DCAF6: variants seen among roughly 807,000 people sequenced by gnomAD.
The protein encoded by DCAF6 is DDB1 and CUL4 associated factor 6.
A neutral mutation model predicts 125.1 loss-of-function variants in DCAF6; 54 were observed. The ratio of observed to expected loss-of-function variants is 0.43; its 90% confidence interval spans 0.35 to 0.54. The LOEUF (loss-of-function observed/expected upper bound fraction) is 0.54, where lower values mean the gene tolerates loss of function less well. Among genes scored for constraint, DCAF6 ranks in the 20% least tolerant of loss-of-function variants. The pLI, the probability that DCAF6 is intolerant of heterozygous loss-of-function variation, is 0.01. For missense variants in DCAF6, 934 were observed against 1,161.7 expected (o/e 0.80, Z 2.85); for synonymous variants, 371 against 390.4 (o/e 0.95, Z 0.58).
At chr1:167,928,346 G>A in the DCAF6 span, among the ~76,000 whole-genome samples, 25 of 149,902 alleles carry the variant, frequency 1.7e-4, 1 homozygote, top group South Asian at 4.4e-3. Context: ...GTCACACAAT[G>A]GGTTAACAAA....
rs536046494 is a variant in DCAF6, at chr1:168,050,789, A to G, written c.2259-103A>G. The G allele has an allele frequency of 4.3e-4, 260 of 607,874 alleles. 1 individual carries two copies. In the African/African-American group the frequency reaches 4.5e-3, roughly 11 times the overall value. 37.7% of individuals were successfully genotyped at this position (607,874 alleles called of 1,614,324 possible). On this transcript the variant is annotated intron_variant, in intron 16 of 21. Transcript: ENST00000367840. ...CAAAGGGAAACAAAAGTTTTTTTTT[A>G]AATTGAGATGATTGATGATAAAAAG...
At chr1:167,935,793 G>A (rs1300757890), upstream of DCAF6, 6 of 1,560,570 alleles carry the variant, frequency 3.8e-6, no homozygotes, top group Non-Finnish European at 5.2e-6. Flanking sequence ...ACTTTATCGA[G>A]GAGCCGGTGG....
At chr1:167,875,269 GA>G in the DCAF6 span, 5 of 1,415,570 alleles carry the variant, frequency 3.5e-6, 1 homozygote, top group Non-Finnish European at 5.0e-6. Flanking sequence ...TTAGTTCCCA[GA>G]AAGTTTCCTT....
intron 13 of DCAF6, among the ~76,000 whole-genome samples, chr1:168,041,719 C>T (rs1688556012): frequency 6.6e-6 from 1 of 151,780 alleles, no homozygotes. Flanking sequence ...TGTCTCTATT[C>T]CTACTCAGTA....
At chr1:168,045,805 G>GT (rs1397984315) in intron 16 of DCAF6, among the ~76,000 whole-genome samples, 1 of 152,180 alleles carries the variant, frequency 6.6e-6, no homozygotes, top group African/African-American at 2.4e-5. Flanking sequence ...TATATTTTAT[G>GT]TGATCACAAG....
chr1:168,067,288 A>G (rs1311191324), intron 20 of DCAF6, among the ~76,000 whole-genome samples: 1 of 152,190 alleles, frequency 6.6e-6, no homozygotes, highest in Non-Finnish European at 1.5e-5. Flanking sequence ...CTGGGTGTAA[A>G]AAAGATAAGG....
At chr1:167,959,042 AC>A (rs1462969556) in intron 2 of DCAF6, among the ~76,000 whole-genome samples, 1 of 152,152 alleles carries the variant, frequency 6.6e-6, no homozygotes, top group Non-Finnish European at 1.5e-5. Context: ...CCTATTTATC[AC>A]CCACCTTCTG....
chr1:168,032,476 G>T (rs1687225425), intron 12 of DCAF6, among the ~76,000 whole-genome samples: 1 of 152,176 alleles, frequency 6.6e-6, no homozygotes, highest in African/African-American at 2.4e-5. Context: ...TTTTGCATTG[G>T]TTTAAAAACT....
the DCAF6 span, chr1:167,901,939 T>TC: frequency 1.2e-5 from 19 of 1,606,398 alleles, no homozygotes; most frequent in Non-Finnish European, 1.6e-5. Flanking sequence ...CTAGGATGCC[T>TC]CCTTTGTCCC....
chr1:167,939,322 A>G lies in DCAF6; in HGVS notation c.97+2314A>G, dbSNP rs1458812725. On this transcript the variant is annotated intron_variant, in intron 1 of 21. Transcript: ENST00000367840. ...TTAAAAATTGTTATATTTAAGGTGT[A>G]GGACTTGATAACTTCATATACAATC... is the stretch of plus-strand genomic sequence containing the variant. Among the ~76,000 whole-genome samples the G allele has an allele frequency of 2.0e-5, 3 of 152,192 alleles. No individual in the cohort carries two copies. In the East Asian group the frequency reaches 5.8e-4, roughly 29 times the overall value.
At chr1:167,949,321 A>T (rs547608776) in intron 1 of DCAF6, among the ~76,000 whole-genome samples, 1 of 152,258 alleles carries the variant, frequency 6.6e-6, no homozygotes, top group South Asian at 2.1e-4. Flanking sequence ...TTTGTTCTGG[A>T]CTATCTTCTC....
chr1:167,888,372 T>C, the DCAF6 span, among the ~76,000 whole-genome samples: 1 of 152,210 alleles, frequency 6.6e-6, no homozygotes, highest in Admixed American at 6.5e-5. Context: ...TTGGGTAGTA[T>C]GAACATTCTT....
At chr1:167,911,939 G>C in the DCAF6 span, among the ~76,000 whole-genome samples, 1 of 152,284 alleles carries the variant, frequency 6.6e-6, no homozygotes, top group East Asian at 1.9e-4. Flanking sequence ...ATGTAGATGT[G>C]AAACTAAAAG....
intron 4 of DCAF6, among the ~76,000 whole-genome samples, chr1:167,977,480 A>T (rs1021272264): frequency 1.3e-5 from 2 of 152,012 alleles, no homozygotes; most frequent in Non-Finnish European, 2.9e-5. Flanking sequence ...CTGTATAGGT[A>T]ACCTGTTTCT....
At chr1:167,909,553 G>T in the DCAF6 span, among the ~76,000 whole-genome samples, 1 of 147,694 alleles carries the variant, frequency 6.8e-6, no homozygotes, top group Non-Finnish European at 1.5e-5. Context: ...AGATTTTTTT[G>T]TGATTTTTTT....
At chr1:168,006,093 C>G (rs1366568725) in intron 10 of DCAF6, among the ~76,000 whole-genome samples, 2 of 152,242 alleles carry the variant, frequency 1.3e-5, no homozygotes, top group East Asian at 3.9e-4. Context: ...AAGACTCTAG[C>G]TTACATTCAG....
the DCAF6 span, among the ~76,000 whole-genome samples, chr1:167,882,362 G>A: frequency 1.3e-5 from 2 of 151,644 alleles, 1 homozygote; most frequent in South Asian, 4.2e-4. Context: ...GCGCATGCCT[G>A]TAATCCCAGC....
chr1:167,901,817 G>T, the DCAF6 span: 1 of 1,614,054 alleles, frequency 6.2e-7, no homozygotes, highest in Non-Finnish European at 8.5e-7. Flanking sequence ...TTCAGAGAGA[G>T]ACATGCCGCG....
Position 168,044,914 on chromosome 1 carries a change from T to C in DCAF6, c.1945T>C (p.Phe649Leu), listed in dbSNP as rs779420731. ...TTTTCTGACAGCACAATCAGATAAG[T>C]TCACAGCCAAGCCATTGGATTCCAA... Reference protein sequence around the residue: ...NHINITQSDKFTAKPLDSNSG... With the variant: ...NHINITQSDKLTAKPLDSNSG... The change falls in exon 16 of 22, where the codon TTC (phenylalanine) becomes CTC (leucine). Residue 649 changes from phenylalanine (F) to leucine (L), a missense_variant. By Grantham distance (22) the Phe-to-Leu change is conservative (BLOSUM62 0). Coordinates refer to ENST00000367840, the MANE Select transcript of DCAF6 (RefSeq NM_001198956.2). 2 of 1,613,690 alleles carry C rather than the reference T, an allele frequency of 1.2e-6. No individual in the cohort carries two copies. The highest frequency in any genetic ancestry group is 4.5e-5 in the East Asian group (2 of 44,890).
Sources: gnomAD v4.1 joint callset for allele counts (sites outside exome capture counted in the v4.1 genomes callset) on GRCh38, gnomAD v4.1.1 for gene constraint, MANE v1.5 for transcripts, NCBI Gene and HGNC (gene_info 2026-07-23, HGNC 2026-07-21) for gene names.